LRP1B: variants seen among roughly 807,000 people sequenced by gnomAD.
LRP1B encodes LDL receptor related protein 1B, also known as low-density lipoprotein receptor-related protein 1B.
LRP1B carries 217 observed loss-of-function variants against 556.6 expected under a neutral mutation model. That is an observed-to-expected ratio of 0.39 (90% CI 0.35 to 0.44). LRP1B has a LOEUF of 0.44. Ranked by LOEUF, LRP1B falls within the 20% of genes least tolerant of loss-of-function variation. The pLI is 1.00. For synonymous variants in LRP1B, 2,047 were observed against 1,865.8 expected, an observed-to-expected ratio of 1.10 and a Z score of -2.50; for missense variants, 5,053 against 5,620.8, an observed-to-expected ratio of 0.90 and a Z score of 3.23.
chr2:140,346,405 CTG>C (rs1681687112), intron 77 of LRP1B, among the ~76,000 whole-genome samples: 1 of 151,744 alleles, frequency 6.6e-6, no homozygotes, highest in Non-Finnish European at 1.5e-5. Flanking sequence ...TAGATCATAA[CTG>C]TTAACATTAT....
At chr2:140,962,073 A>C (rs566044580) in intron 18 of LRP1B, among the ~76,000 whole-genome samples, 2 of 152,348 alleles carry the variant, frequency 1.3e-5, no homozygotes, top group East Asian at 3.9e-4. Context: ...TCAGTTTTAA[A>C]AATAGCAATA....
At chr2:141,510,283 A>C (rs1343497466) in intron 2 of LRP1B, among the ~76,000 whole-genome samples, 1 of 151,694 alleles carries the variant, frequency 6.6e-6, no homozygotes, top group Non-Finnish European at 1.5e-5. Flanking sequence ...ACATATACGT[A>C]TGTGCAGAAA....
At chr2:140,748,136 T>TATATATATAA (rs1360430336) in intron 35 of LRP1B, among the ~76,000 whole-genome samples, 3 of 35,690 alleles carry the variant, frequency 8.4e-5, no homozygotes, top group African/African-American at 1.8e-4. Context: ...TATATATATA[T>TATATATATAA]AATTCATATA....
At chr2:140,816,081 T>C (rs74504475) in intron 31 of LRP1B, among the ~76,000 whole-genome samples, 4,434 of 152,044 alleles carry the variant, frequency 0.029, 100 homozygotes, top group Non-Finnish European at 0.043. Flanking sequence ...TTTCAAAGAG[T>C]TCTGCCTAGA....
intron 3 of LRP1B, among the ~76,000 whole-genome samples, chr2:141,320,115 T>G (rs956279385): frequency 6.6e-5 from 10 of 152,088 alleles, no homozygotes; most frequent in Non-Finnish European, 7.4e-5. Context: ...AATAGCAAGG[T>G]TCTACAGCAT....
intron 7 of LRP1B, among the ~76,000 whole-genome samples, chr2:141,176,091 G>A (rs1168071709): frequency 1.3e-5 from 2 of 152,016 alleles, no homozygotes; most frequent in South Asian, 2.1e-4. Context: ...TGGATATAAC[G>A]AATTTGTTTT....
chr2:140,754,930 A>G (rs1688694753), intron 35 of LRP1B, among the ~76,000 whole-genome samples: 1 of 151,872 alleles, frequency 6.6e-6, no homozygotes, highest in Non-Finnish European at 1.5e-5. Flanking sequence ...CTAGACTAAC[A>G]AAGGCAAATG....
At chr2:141,218,630 G>A (rs1024981606) in intron 6 of LRP1B, among the ~76,000 whole-genome samples, 3 of 152,164 alleles carry the variant, frequency 2.0e-5, no homozygotes, top group African/African-American at 7.2e-5. Context: ...TCAAAAGAAG[G>A]GAAGGGGTAA....
At chr2:140,937,409 C>G (rs1388568048) in intron 20 of LRP1B, among the ~76,000 whole-genome samples, 2 of 152,042 alleles carry the variant, frequency 1.3e-5, no homozygotes, top group Non-Finnish European at 2.9e-5. Flanking sequence ...AAAGCATAGA[C>G]ACAAAAAGTA....
At chr2:140,709,944 G>T (rs894467316) in intron 37 of LRP1B, among the ~76,000 whole-genome samples, 1 of 151,876 alleles carries the variant, frequency 6.6e-6, no homozygotes, top group Non-Finnish European at 1.5e-5. Context: ...TTTCCAAGCC[G>T]TAATAAATAT....
intron 37 of LRP1B, among the ~76,000 whole-genome samples, chr2:140,715,308 A>G (rs1574273872): frequency 6.6e-6 from 1 of 152,228 alleles, no homozygotes; most frequent in East Asian, 1.9e-4. Context: ...CTGGGATGTT[A>G]TTGCAGTATA....
At chr2:140,922,729 G>A (rs574776438) in intron 21 of LRP1B, among the ~76,000 whole-genome samples, 3 of 152,110 alleles carry the variant, frequency 2.0e-5, no homozygotes, top group South Asian at 2.1e-4. Context: ...CTCTGTGAGC[G>A]TAAGCAAGTT....
chr2:140,338,593 T>C (rs1411997200), intron 77 of LRP1B, among the ~76,000 whole-genome samples: 2 of 151,352 alleles, frequency 1.3e-5, no homozygotes, highest in African/African-American at 4.8e-5. Context: ...TAAAAGGGAG[T>C]CTGATATTGA....
At chr2:140,952,163 G>C (rs981974656) in intron 18 of LRP1B, among the ~76,000 whole-genome samples, 1 of 152,126 alleles carries the variant, frequency 6.6e-6, no homozygotes, top group Non-Finnish European at 1.5e-5. Flanking sequence ...TGAAAGCCTA[G>C]GAGAATTATT....
In LRP1B at chr2:140,944,270, A is replaced by G. The variant is rs1350293343; in HGVS notation, c.3136+5965T>C. Among the ~76,000 whole-genome samples the G allele has an allele frequency of 3.9e-5, 6 of 152,050 alleles. No individual in the cohort carries two copies. In the East Asian group the frequency reaches 1.2e-3, roughly 29 times the overall value. On this transcript the variant is annotated intron_variant, in intron 20 of 90. Transcript: ENST00000389484. Reference sequence around the variant, plus strand: ...AGTAACCAGTTCTGAAGCTGAATCAATAATAAATACCTTACCAGGCAAAAG... The same window carrying G: ...AGTAACCAGTTCTGAAGCTGAATCAGTAATAAATACCTTACCAGGCAAAAG...
In LRP1B at chr2:141,575,944, T is replaced by G. The variant is rs547423482; in HGVS notation, c.206-95411A>C. The stretch of plus-strand genomic sequence containing the variant: ...TGGCAATTAGTCAGGAAATAATAGA[T>G]GCTGGCGAGGCTGTGGAGAAATAGG... On this transcript the variant is annotated intron_variant, in intron 2 of 90. Transcript: ENST00000389484. Among the ~76,000 whole-genome samples, 4 of 152,226 alleles carry G rather than the reference T, an allele frequency of 2.6e-5. No homozygotes were observed. The East Asian group carries it at 7.7e-4, about 29-fold the overall frequency.
At chr2:141,449,563 T>C (rs1408719601) in intron 3 of LRP1B, among the ~76,000 whole-genome samples, 2 of 152,144 alleles carry the variant, frequency 1.3e-5, no homozygotes. Context: ...ATATTCTAAT[T>C]GTGTTGACTA....
At position 141,270,521 on chromosome 2, in the gene LRP1B, C is replaced by G. The variant is rs28828419; in HGVS notation, c.344-15880G>C. Among the ~76,000 whole-genome samples the G allele has an allele frequency of 2.4e-3, 361 of 152,120 alleles. 1 individual carries two copies. Among genetic ancestry groups the G allele is most frequent in the African/African-American group, 8.4e-3 (351 of 41,544 alleles). ...TGTTATTCACAATAAAAAAGTGGAA[C>G]AAATTCACCACCCAAATGTCTACTG... On this transcript the variant is annotated intron_variant, in intron 3 of 90. Coordinates refer to ENST00000389484, the MANE Select transcript of LRP1B (RefSeq NM_018557.3).
At chr2:141,790,791 A>G (rs977119576) in intron 2 of LRP1B, among the ~76,000 whole-genome samples, 2 of 152,060 alleles carry the variant, frequency 1.3e-5, no homozygotes, top group East Asian at 1.9e-4. Flanking sequence ...TGCATTACAA[A>G]TAGACGTTAA....
Sources: gnomAD v4.1 joint callset for allele counts (sites outside exome capture counted in the v4.1 genomes callset) on GRCh38, gnomAD v4.1.1 for gene constraint, MANE v1.5 for transcripts, NCBI Gene and HGNC (gene_info 2026-07-23, HGNC 2026-07-21) for gene names.